CLDN2: variants seen among roughly 807,000 people sequenced by gnomAD.
CLDN2 encodes claudin-2.
Under a neutral mutation model 8.2 loss-of-function variants are expected in CLDN2, and 1 was observed. The ratio of observed to expected loss-of-function variants is 0.12; its 90% CI spans 0.04 to 0.58. The LOEUF is 0.58. Among genes scored for constraint, CLDN2 ranks in the 20% least tolerant of loss-of-function variants. CLDN2 has a pLI of 0.90. For synonymous variants in CLDN2, 70 were observed against 70.2 expected, an observed-to-expected ratio of 1.00 and a Z score of 0.01; for missense variants, 108 against 172.9, an observed-to-expected ratio of 0.62 and a Z score of 2.11.
intron 1 of CLDN2, among the ~76,000 whole-genome samples, chrX:106,925,783 G>T (rs1159104828): frequency 8.9e-6 from 1 of 112,321 alleles, no homozygotes; most frequent in African/African-American, 3.2e-5. Flanking sequence ...GAGGTGGGCG[G>T]ATCACTTGCA....
intron 1 of CLDN2, among the ~76,000 whole-genome samples, chrX:106,925,994 A>G (rs751103827): frequency 8.9e-6 from 1 of 112,165 alleles, no homozygotes; most frequent in African/African-American, 3.2e-5. Flanking sequence ...CAACAAAAGC[A>G]AAATTCGGTC....
chrX:106,908,129 C>A (rs1933203595), intron 1 of CLDN2, among the ~76,000 whole-genome samples: 1 of 111,699 alleles, frequency 9.0e-6, no homozygotes, highest in South Asian at 3.9e-4. Flanking sequence ...GTTCTCCACT[C>A]TTCCACTCTC....
At chrX:106,903,728 A>C (rs1368310714) in intron 1 of CLDN2, among the ~76,000 whole-genome samples, 1 of 111,782 alleles carries the variant, frequency 8.9e-6, no homozygotes, top group Non-Finnish European at 1.9e-5. Flanking sequence ...GCAAGAAGAG[A>C]CAGCTGACCC....
At chrX:106,901,833 G>C (rs953528418) in intron 1 of CLDN2, among the ~76,000 whole-genome samples, 1 of 111,470 alleles carries the variant, frequency 9.0e-6, no homozygotes, top group Non-Finnish European at 1.9e-5. Context: ...CAGGGAGATC[G>C]GGTGGGTGGG....
upstream of CLDN2, among the ~76,000 whole-genome samples, chrX:106,919,004 C>T (rs761772459): frequency 1.8e-5 from 2 of 112,235 alleles, no homozygotes; most frequent in East Asian, 5.6e-4. Flanking sequence ...TGCAAAGATG[C>T]TGGGTTATAG....
At chrX:106,916,409 G>C (rs186246544), upstream of CLDN2, among the ~76,000 whole-genome samples, 1 of 111,136 alleles carries the variant, frequency 9.0e-6, no homozygotes, top group African/African-American at 3.3e-5. Flanking sequence ...GGAGAGTGGG[G>C]AGTGAGGAGA....
In CLDN2 at chrX:106,928,814, G is replaced by A. The variant is rs371377414; in HGVS notation, c.586G>A (p.Asp196Asn). The A allele has an allele frequency of 2.3e-5, 28 of 1,209,290 alleles. No homozygotes were observed. The East Asian group carries it at 3.0e-4, about 13-fold the overall frequency. ...CCAGAGAAATCGCTCCAACTACTACGATGCCTACCAAGCCCAACCTCTTGC... is the reference window on the plus strand; with the variant it reads ...CCAGAGAAATCGCTCCAACTACTACAATGCCTACCAAGCCCAACCTCTTGC... The part of the protein sequence containing the change: ...SSQRNRSNYY[D>N]AYQAQPLATR... Residue 196 changes from aspartate (D) to asparagine (N), a missense_variant, in exon 2 of 2, where the codon GAT becomes AAT. By Grantham distance (23) the Asp-to-Asn change is conservative. Coordinates refer to ENST00000336803, the MANE Select transcript of CLDN2 (RefSeq NM_020384.4).
chrX:106,926,891 TCA>T (rs36178406), intron 1 of CLDN2, among the ~76,000 whole-genome samples: 1,057 of 10,213 alleles, frequency 0.1, 236 homozygotes, highest in East Asian at 0.58. Flanking sequence ...GGCAGGAGGA[TCA>T]CACACACACA....
rs773405483 is a variant in CLDN2 at position 106,924,378 on chromosome X, A to G, written c.-178-3673A>G. On this transcript the variant is annotated intron_variant, in intron 1 of 1. Coordinates refer to ENST00000336803, the MANE Select transcript of CLDN2 (RefSeq NM_020384.4). ...GGGAGAAGTAGAAGGATTTCCAAGC[A>G]GCACTGAAGGCCTCAATGAGATACA... Among the ~76,000 whole-genome samples the G allele has an allele frequency of 4.5e-5, 5 of 111,349 alleles. No homozygotes were observed. In the East Asian group the frequency reaches 1.4e-3, roughly 32 times the overall value.
At chrX:106,922,102 A>G (rs1312008028) in intron 1 of CLDN2, among the ~76,000 whole-genome samples, 1 of 112,033 alleles carries the variant, frequency 8.9e-6, no homozygotes, top group South Asian at 3.7e-4. Context: ...AAGAAGCTAG[A>G]TCTTTTGATT....
intron 1 of CLDN2, among the ~76,000 whole-genome samples, chrX:106,921,524 C>T (rs1222822403): frequency 9.0e-6 from 1 of 111,716 alleles, no homozygotes; most frequent in African/African-American, 3.3e-5. Flanking sequence ...GCCATCATCA[C>T]CCCCAGAAGG....
upstream of CLDN2, among the ~76,000 whole-genome samples, chrX:106,920,185 T>G (rs1312958007): frequency 9.1e-6 from 1 of 110,392 alleles, no homozygotes; most frequent in East Asian, 2.8e-4. Flanking sequence ...GAATTCCTTC[T>G]TGGGCCAAAT....
chrX:106,927,954 A>T, intron 1 of CLDN2, 97 bp from the exon 2 acceptor site: 4 of 252,789 alleles, frequency 1.6e-5, no homozygotes, highest in East Asian at 6.2e-5. Context: ...CTCATGTGTT[A>T]TTTCTAAAGA....
chrX:106,926,690 TG>T (rs1224629059), intron 1 of CLDN2, among the ~76,000 whole-genome samples: 2 of 107,778 alleles, frequency 1.9e-5, no homozygotes, highest in African/African-American at 6.8e-5. Flanking sequence ...TGGCAAAACC[TG>T]GTCTCTACAA....
intron 1 of CLDN2, among the ~76,000 whole-genome samples, chrX:106,902,432 C>T (rs1057483776): frequency 2.7e-5 from 3 of 112,234 alleles, no homozygotes; most frequent in Non-Finnish European, 5.6e-5. Context: ...TGTCTATTTA[C>T]TTGTCTTTGG....
At chrX:106,905,674 G>A (rs1041268358) in intron 1 of CLDN2, among the ~76,000 whole-genome samples, 1 of 111,149 alleles carries the variant, frequency 9.0e-6, no homozygotes, top group African/African-American at 3.3e-5. Context: ...AGTGGCCTCC[G>A]AGAATCAGCA....
upstream of CLDN2, among the ~76,000 whole-genome samples, chrX:106,916,254 A>G (rs965796431): frequency 3.6e-5 from 4 of 110,702 alleles, no homozygotes; most frequent in Admixed American, 3.9e-4. Context: ...GCCCTAAAGG[A>G]TAAGGAGTTT....
At chrX:106,909,384 A>T (rs2147788410) in intron 1 of CLDN2, among the ~76,000 whole-genome samples, 1 of 111,263 alleles carries the variant, frequency 9.0e-6, no homozygotes, top group East Asian at 2.8e-4. Flanking sequence ...CAGTGGGGAG[A>T]GTGGGCTGTC....
At chrX:106,913,036 A>G (rs1468787691) in intron 1 of CLDN2, among the ~76,000 whole-genome samples, 1 of 111,704 alleles carries the variant, frequency 9.0e-6, no homozygotes, top group Non-Finnish European at 1.9e-5. Flanking sequence ...GATATTTTCC[A>G]GATGACTAAT....
Sources: allele counts gnomAD v4.1 joint callset (sites outside exome capture counted in the v4.1 genomes callset), GRCh38; gene constraint gnomAD v4.1.1; transcripts MANE v1.5; gene names NCBI Gene and HGNC (gene_info 2026-07-23, HGNC 2026-07-21).